CPE: variants seen among roughly 807,000 people sequenced by gnomAD.
CPE encodes carbocypeptidase E.
In CPE, 17 loss-of-function variants were observed where a neutral mutation model predicts 53.5. The ratio of observed to expected loss-of-function variants is 0.32; its 90% confidence interval spans 0.22 to 0.48. CPE has a LOEUF of 0.48. Ranked by LOEUF, CPE falls within the 20% of genes least tolerant of loss-of-function variation. The pLI is 0.99. For synonymous variants in CPE, 226 were observed against 228.8 expected, an observed-to-expected ratio of 0.99 and a Z score of 0.11; for missense variants, 524 against 614.7, an observed-to-expected ratio of 0.85 and a Z score of 1.56.
At chr4:165,419,548 A>G (rs1167455667) in intron 1 of CPE, among the ~76,000 whole-genome samples, 2 of 152,098 alleles carry the variant, frequency 1.3e-5, no homozygotes, top group African/African-American at 4.8e-5. Flanking sequence ...TTTCATTCTC[A>G]TTTTATAATT....
At position 165,409,104 on chromosome 4, in the gene CPE, G is replaced by A. The variant is rs377689765; in HGVS notation, c.307+29576G>A. Among the ~76,000 whole-genome samples the A allele has an allele frequency of 1.3e-4, 20 of 152,300 alleles. 1 individual carries two copies. Among genetic ancestry groups the A allele is most frequent in the Admixed American group, 5.2e-4 (8 of 15,300 alleles). ...TTGAGCACATAAGCAAGTATATGGC[G>A]GAGTGGGTGGTGGTTCCGGAATGGT... is the stretch of plus-strand genomic sequence containing the variant. On this transcript the variant is annotated intron_variant, in intron 1 of 8. Coordinates refer to ENST00000402744, the MANE Select transcript of CPE (RefSeq NM_001873.4).
intron 1 of CPE, among the ~76,000 whole-genome samples, chr4:165,391,543 G>A (rs1016203043): frequency 6.6e-6 from 1 of 152,018 alleles, no homozygotes; most frequent in Non-Finnish European, 1.5e-5. Context: ...AAAAAACAAA[G>A]ACATTCATTC....
intron 3 of CPE, among the ~76,000 whole-genome samples, chr4:165,470,573 G>T (rs1732187493): frequency 6.6e-6 from 1 of 152,144 alleles, no homozygotes; most frequent in African/African-American, 2.4e-5. Context: ...TTGAGGGACT[G>T]CCTTTCCCTG....
chr4:165,479,027 G>T (rs552761174), intron 3 of CPE, among the ~76,000 whole-genome samples: 3 of 152,226 alleles, frequency 2.0e-5, no homozygotes, highest in African/African-American at 4.8e-5. Context: ...GTCAATATCT[G>T]CCATTGGGTT....
At chr4:165,489,937 A>C (rs1342523031) in intron 6 of CPE, among the ~76,000 whole-genome samples, 1 of 152,238 alleles carries the variant, frequency 6.6e-6, no homozygotes, top group Non-Finnish European at 1.5e-5. Context: ...ATTAGGATGC[A>C]AACTGTGTCT....
intron 1 of CPE, among the ~76,000 whole-genome samples, chr4:165,432,971 G>A (rs1469065929): frequency 6.6e-6 from 1 of 152,140 alleles, no homozygotes; most frequent in Non-Finnish European, 1.5e-5. Context: ...AGCCTCTTTT[G>A]CCTGGATTTG....
At chr4:165,452,231 C>T (rs1174398571) in intron 1 of CPE, among the ~76,000 whole-genome samples, 4 of 152,126 alleles carry the variant, frequency 2.6e-5, no homozygotes, top group South Asian at 2.1e-4. Flanking sequence ...TCAACACTAC[C>T]GTCGGTAAAT....
Position 165,469,379 on chromosome 4 carries a change from G to A in CPE, c.672+1524G>A, listed in dbSNP as rs143151472. Among the ~76,000 whole-genome samples the A allele has an allele frequency of 1.9e-3, 292 of 152,194 alleles. 3 individuals carry two copies. The highest frequency in any genetic ancestry group is 6.8e-3 in the Middle Eastern group (2 of 294). On this transcript the variant is annotated intron_variant, in intron 3 of 8. Transcript: ENST00000402744. ...TTTCTCCATTTCATTCTAGTTGCTG[G>A]GTCATTCCAGCAGCTCTTGGCCCCT...
At chr4:165,487,231 T>C (rs188966645) in intron 5 of CPE, among the ~76,000 whole-genome samples, 1 of 152,316 alleles carries the variant, frequency 6.6e-6, no homozygotes, top group African/African-American at 2.4e-5. Flanking sequence ...CTTAGGAACC[T>C]GAGAGTTTGT....
At chr4:165,436,192 A>G (rs1731498140) in intron 1 of CPE, among the ~76,000 whole-genome samples, 1 of 50,020 alleles carries the variant, frequency 2.0e-5, no homozygotes, top group Non-Finnish European at 4.5e-5. Flanking sequence ...CAGCACACAT[A>G]CACACACACA....
At chr4:165,485,217 C>T (rs1326003878) in intron 5 of CPE, among the ~76,000 whole-genome samples, 1 of 152,032 alleles carries the variant, frequency 6.6e-6, no homozygotes. Flanking sequence ...CTTCCTTGTC[C>T]CAAGGCGGAC....
intron 4 of CPE, among the ~76,000 whole-genome samples, chr4:165,483,750 C>T (rs1732458765): frequency 6.6e-6 from 1 of 152,134 alleles, no homozygotes; most frequent in African/African-American, 2.4e-5. Context: ...ATTATTTTGA[C>T]TGCTTGTATG....
At chr4:165,430,880 T>C (rs1731398002) in intron 1 of CPE, among the ~76,000 whole-genome samples, 1 of 152,190 alleles carries the variant, frequency 6.6e-6, no homozygotes, top group Non-Finnish European at 1.5e-5. Flanking sequence ...AATGGGACTC[T>C]GGACAAGGCC....
intron 4 of CPE, 54 bp from the exon 5 acceptor site, chr4:165,484,368 G>T (rs561103358): frequency 6.6e-6 from 10 of 1,507,832 alleles, no homozygotes; most frequent in Non-Finnish European, 9.1e-6. Flanking sequence ...TAGAAAACAT[G>T]CTGTGCTGCT....
At chr4:165,444,071 G>A (rs528031671) in intron 1 of CPE, among the ~76,000 whole-genome samples, 1 of 152,300 alleles carries the variant, frequency 6.6e-6, no homozygotes, top group East Asian at 1.9e-4. Context: ...CAGTTACGCA[G>A]TTTATGGTGT....
chr4:165,490,916 C>A (rs1474441856), intron 6 of CPE, among the ~76,000 whole-genome samples: 9 of 152,146 alleles, frequency 5.9e-5, no homozygotes, highest in Admixed American at 5.9e-4. Flanking sequence ...TTGCAGGCAC[C>A]GCAAGTGTAG....
chr4:165,424,850 A>C (rs566260342), intron 1 of CPE, among the ~76,000 whole-genome samples: 25 of 148,662 alleles, frequency 1.7e-4, no homozygotes, highest in Admixed American at 8.0e-4. Context: ...TTTTACTTTG[A>C]GTTTCTGTAA....
At chr4:165,495,854 A>G (rs1346696518) in intron 8 of CPE, among the ~76,000 whole-genome samples, 177 bp downstream of exon 8, 1 of 152,252 alleles carries the variant, frequency 6.6e-6, no homozygotes, top group African/African-American at 2.4e-5. Flanking sequence ...ATGAAGCTCT[A>G]TTACCATTTC....
chr4:165,390,013 A>G (rs1487109907), intron 1 of CPE, among the ~76,000 whole-genome samples: 2 of 152,304 alleles, frequency 1.3e-5, no homozygotes, highest in South Asian at 2.1e-4. Flanking sequence ...TTCAGAATGA[A>G]TGACACACAT....
Sources: gnomAD v4.1 joint callset for allele counts (sites outside exome capture counted in the v4.1 genomes callset) on GRCh38, gnomAD v4.1.1 for gene constraint, MANE v1.5 for transcripts, NCBI Gene and HGNC (gene_info 2026-07-23, HGNC 2026-07-21) for gene names.